PAPPA: variants seen among roughly 807,000 people sequenced by gnomAD.
The protein encoded by PAPPA is pappalysin 1, also known as pappalysin-1.
In PAPPA, 60 loss-of-function variants were observed where a neutral mutation model predicts 164.0. The ratio of observed to expected loss-of-function variants is 0.37; its 90% CI spans 0.30 to 0.45. The LOEUF (loss-of-function observed/expected upper bound fraction) is 0.45. PAPPA is among the 20% of genes least tolerant of loss of function. PAPPA has a pLI of 1.00. For missense variants in PAPPA, 1,782 were observed against 2,087.3 expected (o/e 0.85, Z 2.85); for synonymous variants, 875 against 814.1 (o/e 1.07, Z -1.27).
intron 1 of PAPPA, among the ~76,000 whole-genome samples, chr9:116,182,629 T>C (rs549735488): frequency 5.3e-5 from 8 of 152,204 alleles, no homozygotes; most frequent in African/African-American, 9.7e-5. Context: ...TCTGAGAGAC[T>C]CTTTCCATGC....
chr9:116,386,738 G>A (rs1028419968), intron 21 of PAPPA, among the ~76,000 whole-genome samples: 2 of 152,148 alleles, frequency 1.3e-5, no homozygotes, highest in Non-Finnish European at 2.9e-5. Flanking sequence ...ATTTCACCAT[G>A]AGCCCAGACT....
intron 10 of PAPPA, among the ~76,000 whole-genome samples, chr9:116,329,495 A>G (rs1845962871): frequency 6.6e-6 from 1 of 152,104 alleles, no homozygotes; most frequent in African/African-American, 2.4e-5. Flanking sequence ...ACACACCACA[A>G]ATAAGATTGA....
At chr9:116,331,125 T>TG in intron 10 of PAPPA, 119 bp from the exon 11 acceptor site, 1 of 638,236 alleles carries the variant, frequency 1.6e-6, no homozygotes, top group Non-Finnish European at 2.8e-6. Context: ...TTTTCATCCC[T>TG]GTTTTTTCCT....
chr9:116,283,469 G>A (rs547725815), intron 9 of PAPPA, among the ~76,000 whole-genome samples: 3 of 152,218 alleles, frequency 2.0e-5, no homozygotes, highest in Admixed American at 6.5e-5. Flanking sequence ...GAAGTCACAG[G>A]GGGTGAGTGG....
chr9:116,154,498 G>T lies in PAPPA; in HGVS notation c.326G>T (p.Arg109Leu). The T allele has an allele frequency of 7.4e-7, 1 of 1,344,926 alleles. No homozygotes were observed. The highest frequency in any genetic ancestry group is 9.6e-7 in the Non-Finnish European group (1 of 1,046,678). The allele number at this position is 1,344,926 out of a possible 1,614,324, so 83.3% of individuals were successfully genotyped here. Residue 109 changes from arginine to leucine, a missense_variant, in exon 1 of 22, where the codon CGG becomes CTG. This residue lies in a region of PAPPA where 458 missense variants were observed against 430.3 expected (regional missense o/e 1.06). Transcript: ENST00000328252. This position sits in a 1 kb window ranked among gnomAD's most constrained non-coding sequence, Gnocchi z 5.2. ...FSGRGEQLRL[R>L]ADLELPRDAF... Reference sequence around the variant, plus strand: ...GGGCGAGGCGAGCAGCTGCGCCTCCGGGCCGACCTCGAGCTGCCCCGGGAC... The same window carrying T: ...GGGCGAGGCGAGCAGCTGCGCCTCCTGGCCGACCTCGAGCTGCCCCGGGAC...
At chr9:116,177,245 A>G (rs1843848137) in intron 1 of PAPPA, among the ~76,000 whole-genome samples, 1 of 152,146 alleles carries the variant, frequency 6.6e-6, no homozygotes, top group African/African-American at 2.4e-5. Flanking sequence ...GAGCTGCCTC[A>G]AGGTCATCAC....
At chr9:116,352,374 A>C (rs1348504800) in intron 15 of PAPPA, among the ~76,000 whole-genome samples, 4 of 152,214 alleles carry the variant, frequency 2.6e-5, no homozygotes, top group Non-Finnish European at 5.9e-5. Flanking sequence ...CTCTGTGCTC[A>C]GATGCCCATT....
At chr9:116,232,440 G>T (rs1250171431) in intron 6 of PAPPA, among the ~76,000 whole-genome samples, 1 of 152,166 alleles carries the variant, frequency 6.6e-6, no homozygotes, top group African/African-American at 2.4e-5. Flanking sequence ...AACACAATGA[G>T]AAACCCTATA....
intron 21 of PAPPA, among the ~76,000 whole-genome samples, chr9:116,387,317 T>C (rs990098288): frequency 6.6e-6 from 1 of 152,344 alleles, no homozygotes; most frequent in Non-Finnish European, 1.5e-5. Flanking sequence ...TGGTAATAGC[T>C]AAGAGTTATT....
At chr9:116,168,991 A>G (rs1363806221) in intron 1 of PAPPA, among the ~76,000 whole-genome samples, 1 of 152,190 alleles carries the variant, frequency 6.6e-6, no homozygotes, top group Non-Finnish European at 1.5e-5. Context: ...TGTTAAATGA[A>G]CGAACAGATT....
At chr9:116,183,143 A>G (rs1009552713) in intron 1 of PAPPA, among the ~76,000 whole-genome samples, 2 of 151,934 alleles carry the variant, frequency 1.3e-5, no homozygotes, top group Admixed American at 1.3e-4. Flanking sequence ...ATCTTTATGG[A>G]GAACTGTGAG....
chr9:116,348,533 AG>A (rs1176610609), intron 15 of PAPPA, among the ~76,000 whole-genome samples: 1 of 152,016 alleles, frequency 6.6e-6, no homozygotes, highest in African/African-American at 2.4e-5. Flanking sequence ...GGACATGTGC[AG>A]GTTTGTTATA....
intron 17 of PAPPA, among the ~76,000 whole-genome samples, chr9:116,355,049 T>C (rs1028315433): frequency 1.3e-5 from 2 of 152,204 alleles, no homozygotes; most frequent in Admixed American, 6.5e-5. Flanking sequence ...GAGCCCTTCC[T>C]CAATATCCCT....
intron 17 of PAPPA, among the ~76,000 whole-genome samples, chr9:116,357,141 TA>T: frequency 6.6e-6 from 1 of 152,298 alleles, no homozygotes; most frequent in East Asian, 1.9e-4. Flanking sequence ...TCTGCCATGA[TA>T]AAAATATTCA....
At chr9:116,387,188 A>ATCTC (rs1846825901) in intron 21 of PAPPA, among the ~76,000 whole-genome samples, 1 of 152,168 alleles carries the variant, frequency 6.6e-6, no homozygotes, top group Non-Finnish European at 1.5e-5. Context: ...TGTGCATGTC[A>ATCTC]TCTCACTTAA....
chr9:116,243,475 C>T (rs1844759590), intron 7 of PAPPA, among the ~76,000 whole-genome samples: 1 of 152,140 alleles, frequency 6.6e-6, no homozygotes, highest in Admixed American at 6.6e-5. Flanking sequence ...GATGGAGAAG[C>T]TCAGACTATA....
rs537935452 is a variant in PAPPA, at chr9:116,191,267, C to T, written c.1478+3051C>T. The stretch of plus-strand genomic sequence containing the variant: ...TCAGAATGGTCCTTTTTGGGGAGGG[C>T]TTTGTCTGTGGGTGAGTGAGCTCCC... On this transcript the variant is annotated intron_variant, in intron 2 of 21. Transcript: ENST00000328252. Among the ~76,000 whole-genome samples, 5 of 152,228 alleles carry T rather than the reference C, an allele frequency of 3.3e-5. No homozygotes were observed. In the East Asian group the frequency reaches 5.8e-4, roughly 18 times the overall value.
At chr9:116,287,628 G>A (rs887377870) in intron 9 of PAPPA, 1 of 152,174 alleles carries the variant, frequency 6.6e-6, no homozygotes, top group Non-Finnish European at 1.5e-5. Context: ...GTATCTTCTA[G>A]GGCAACCACT....
chr9:116,291,723 C>T (rs1052067954), intron 9 of PAPPA, among the ~76,000 whole-genome samples: 3 of 151,918 alleles, frequency 2.0e-5, no homozygotes, highest in Admixed American at 6.6e-5. Context: ...AGGTAGTTTT[C>T]TTGACCCTAA....
Sources: gnomAD v4.1 joint callset for allele counts (sites outside exome capture counted in the v4.1 genomes callset) on GRCh38, gnomAD v4.1.1 for gene constraint, gnomAD v4.1.1 regional missense constraint, Gnocchi (gnomAD v3.1) non-coding constraint, MANE v1.5 for transcripts, NCBI Gene and HGNC (gene_info 2026-07-23, HGNC 2026-07-21) for gene names.